The following SLC25A21 variants were observed in gnomAD, a reference collection of about 807,000 sequenced individuals.
SLC25A21 encodes mitochondrial 2-oxodicarboxylate carrier.
Under a neutral mutation model 43.8 loss-of-function variants are expected in SLC25A21, and 47 were observed. The observed-to-expected ratio is 1.07, with a 90% confidence interval of 0.85 to 1.37. The LOEUF (loss-of-function observed/expected upper bound fraction) is 1.37, where lower values mean the gene tolerates loss of function less well. Among genes scored for constraint, SLC25A21 ranks in the 40% most tolerant of loss-of-function variants. The pLI, the probability that SLC25A21 is intolerant of heterozygous loss-of-function variation, is 0.00. For synonymous variants in SLC25A21, 131 were observed against 121.3 expected (o/e 1.08, Z -0.52); for missense variants, 352 against 350.2 (o/e 1.00, Z -0.04).
rs114128233 is a variant in SLC25A21, at chr14:37,138,300, G to A, written c.70+33981C>T. Among the ~76,000 whole-genome samples, 372 of 152,252 alleles carry A rather than the reference G, an allele frequency of 2.4e-3. 1 individual carries two copies. Among genetic ancestry groups the A allele is most frequent in the African/African-American group, 8.8e-3 (364 of 41,554 alleles). On this transcript the variant is annotated intron_variant, in intron 1 of 9. Coordinates refer to ENST00000331299, the MANE Select transcript of SLC25A21 (RefSeq NM_030631.4). Reference sequence around the variant, plus strand: ...TAGTTCTAGAAGTTTTACTTACCTCGATTAAAGTATATACTTTGGCATTTA... The same window carrying A: ...TAGTTCTAGAAGTTTTACTTACCTCAATTAAAGTATATACTTTGGCATTTA...
chr14:36,827,375 T>A (rs1365020048), intron 2 of SLC25A21, among the ~76,000 whole-genome samples: 1 of 152,156 alleles, frequency 6.6e-6, no homozygotes, highest in Non-Finnish European at 1.5e-5. Flanking sequence ...TGCTTCCCAG[T>A]ACAAATGCTT....
At chr14:36,815,305 C>A (rs1399824164) in intron 2 of SLC25A21, among the ~76,000 whole-genome samples, 1 of 151,834 alleles carries the variant, frequency 6.6e-6, no homozygotes, top group East Asian at 1.9e-4. Context: ...TCTGCACGTT[C>A]TGCATATGTA....
At position 36,679,805 on chromosome 14, in the gene SLC25A21, G is replaced by GTGTT. The variant is rs1882120229; in HGVS notation, c.*849_*852dup. 2.0e-6 allele frequency: 2 copies of GTGTT among 985,132 alleles called. No homozygotes were observed. Among genetic ancestry groups the GTGTT allele is most frequent in the Middle Eastern group, 5.2e-4 (1 of 1,914 alleles). 61.0% of individuals were successfully genotyped at this position (985,132 alleles called of 1,614,324 possible). A position where few individuals can be genotyped will look rare whatever the true frequency, so the allele number is the denominator to read the frequency against. Reference sequence around the variant, plus strand: ...TGATGGCTGACAAATGGGTCCAAAGGTGTTTCCAATTTGTGATTTAACATG... The same window carrying GTGTT: ...TGATGGCTGACAAATGGGTCCAAAGGTGTTTGTTTCCAATTTGTGATTTAACATG... On this transcript the variant is annotated 3_prime_UTR_variant, in exon 10 of 10. Coordinates refer to ENST00000331299, the MANE Select transcript of SLC25A21 (RefSeq NM_030631.4).
chr14:37,061,933 G>T (rs1594775153), intron 1 of SLC25A21, among the ~76,000 whole-genome samples: 1 of 152,150 alleles, frequency 6.6e-6, no homozygotes, highest in South Asian at 2.1e-4. Context: ...CCTAAGGGGA[G>T]GCCACCTCCA....
chr14:36,853,958 A>G (rs185170779), intron 2 of SLC25A21, among the ~76,000 whole-genome samples: 145 of 152,344 alleles, frequency 9.5e-4, no homozygotes, highest in Middle Eastern at 3.4e-3. Flanking sequence ...AGAAACCAGA[A>G]GTATATGTTT....
intron 7 of SLC25A21, among the ~76,000 whole-genome samples, chr14:36,704,910 A>G (rs1321279550): frequency 6.6e-6 from 1 of 152,186 alleles, no homozygotes; most frequent in Non-Finnish European, 1.5e-5. Flanking sequence ...TATAAAAATG[A>G]TTTTAATAGC....
At chr14:36,735,856 G>T (rs956956232) in intron 3 of SLC25A21, among the ~76,000 whole-genome samples, 13 of 105,532 alleles carry the variant, frequency 1.2e-4, no homozygotes, top group East Asian at 5.5e-4. Context: ...ACAAATATTT[G>T]TTAAGCTTAT....
intron 1 of SLC25A21, among the ~76,000 whole-genome samples, chr14:36,898,515 A>T (rs1490397830): frequency 1.3e-5 from 2 of 151,524 alleles, no homozygotes; most frequent in African/African-American, 4.9e-5. Context: ...GCTTTGGCTC[A>T]CTCTCAGTGT....
intron 7 of SLC25A21, among the ~76,000 whole-genome samples, chr14:36,699,117 CT>C (rs201381375): frequency 0.015 from 2,143 of 139,478 alleles, 27 homozygotes; most frequent in Admixed American, 0.037. Context: ...TGTAGATGAC[CT>C]TTTTTTTTTT....
At chr14:36,802,601 T>G (rs1887904513) in intron 3 of SLC25A21, among the ~76,000 whole-genome samples, 1 of 152,290 alleles carries the variant, frequency 6.6e-6, no homozygotes, top group African/African-American at 2.4e-5. Context: ...TCCAGGTCTC[T>G]TTGAACCCCA....
chr14:37,052,883 C>T (rs950884403), intron 1 of SLC25A21, among the ~76,000 whole-genome samples: 6 of 152,150 alleles, frequency 3.9e-5, no homozygotes, highest in African/African-American at 1.4e-4. Context: ...AGTGATCCAC[C>T]TGCTTCGGCC....
intron 1 of SLC25A21, among the ~76,000 whole-genome samples, chr14:37,114,674 C>CT (rs1015517895): frequency 8.6e-5 from 13 of 151,938 alleles, no homozygotes; most frequent in East Asian, 5.8e-4. Context: ...GTGAGACAAC[C>CT]TTTTTTTTGC....
intron 1 of SLC25A21, among the ~76,000 whole-genome samples, chr14:36,894,356 A>G (rs1010065667): frequency 2.0e-5 from 3 of 152,198 alleles, no homozygotes; most frequent in Non-Finnish European, 4.4e-5. Context: ...TTATTGGTAT[A>G]TAAGAATGCT....
At chr14:37,018,669 C>T (rs1185851088) in intron 1 of SLC25A21, among the ~76,000 whole-genome samples, 2 of 151,942 alleles carry the variant, frequency 1.3e-5, no homozygotes, top group Non-Finnish European at 2.9e-5. Context: ...TTCTTGTCTA[C>T]TCTTGCAGAT....
At chr14:36,901,305 A>G (rs1336885699) in intron 1 of SLC25A21, among the ~76,000 whole-genome samples, 1 of 152,232 alleles carries the variant, frequency 6.6e-6, no homozygotes, top group Non-Finnish European at 1.5e-5. Flanking sequence ...ATAAACAAAA[A>G]GTATGAGGTA....
At chr14:36,691,967 T>C (rs1882812591) in intron 7 of SLC25A21, among the ~76,000 whole-genome samples, 1 of 152,254 alleles carries the variant, frequency 6.6e-6, no homozygotes, top group South Asian at 2.1e-4. Context: ...GTTTTAAAAA[T>C]GGTTTAATTC....
intron 6 of SLC25A21, among the ~76,000 whole-genome samples, chr14:36,713,150 C>T (rs1030452889): frequency 6.6e-6 from 1 of 151,966 alleles, no homozygotes. Flanking sequence ...GGCATGAGGG[C>T]GGAGGAGCTC....
intron 1 of SLC25A21, among the ~76,000 whole-genome samples, chr14:36,989,704 C>T (rs1326291443): frequency 6.6e-6 from 1 of 152,058 alleles, no homozygotes; most frequent in African/African-American, 2.4e-5. Context: ...TAAAATATCG[C>T]TTAACGGCCC....
chr14:37,008,909 C>T (rs1295944635), intron 1 of SLC25A21, among the ~76,000 whole-genome samples: 1 of 152,140 alleles, frequency 6.6e-6, no homozygotes, highest in Non-Finnish European at 1.5e-5. Context: ...TCAAATAAAT[C>T]CCAGCAAACA....
Sources: allele counts gnomAD v4.1 joint callset (sites outside exome capture counted in the v4.1 genomes callset), GRCh38; gene constraint gnomAD v4.1.1; transcripts MANE v1.5; gene names NCBI Gene and HGNC (gene_info 2026-07-23, HGNC 2026-07-21).